CDKAL1: variants seen among roughly 807,000 people sequenced by gnomAD.
CDKAL1 encodes the protein CDKAL1 threonylcarbamoyladenosine tRNA methylthiotransferase.
Under a neutral mutation model 68.2 loss-of-function variants are expected in CDKAL1, and 32 were observed. The observed-to-expected ratio is 0.47, with a 90% CI of 0.35 to 0.63. The LOEUF is 0.63. Ranked by LOEUF, CDKAL1 falls within the 30% of genes least tolerant of loss-of-function variation. CDKAL1 has a pLI of 0.00. For synonymous variants in CDKAL1, 234 were observed against 244.3 expected, an observed-to-expected ratio of 0.96 and a Z score of 0.39; for missense variants, 606 against 696.7, an observed-to-expected ratio of 0.87 and a Z score of 1.47.
Position 21,231,159 on chromosome 6 carries a change from C to CT in CDKAL1, c.*122dup. On this transcript the variant is annotated 3_prime_UTR_variant, in exon 16 of 16. Coordinates refer to ENST00000274695, the MANE Select transcript of CDKAL1 (RefSeq NM_017774.3). ...TAATTTGTACTGGTCATGCTGCCTC[C>CT]TTCTCAGCCACTCTTCTTAATGAGG... 1 of 686,052 alleles carries CT rather than the reference C, an allele frequency of 1.5e-6. No individual in the cohort carries two copies. Among genetic ancestry groups the CT allele is most frequent in the South Asian group, 3.0e-5 (1 of 33,274 alleles). The allele number at this position is 686,052 out of a possible 1,614,324, so 42.5% of individuals were successfully genotyped here.
At chr6:20,966,206 A>G (rs1401375560) in intron 10 of CDKAL1, among the ~76,000 whole-genome samples, 2 of 152,222 alleles carry the variant, frequency 1.3e-5, no homozygotes, top group Non-Finnish European at 2.9e-5. Flanking sequence ...TTTCTAAGAT[A>G]CTAAATTGTT....
chr6:21,168,386 A>G (rs1331289176), intron 13 of CDKAL1, among the ~76,000 whole-genome samples: 1 of 152,236 alleles, frequency 6.6e-6, no homozygotes, highest in Admixed American at 6.5e-5. Context: ...CAGCCTAGAA[A>G]GACAACTCAT....
intron 2 of CDKAL1, among the ~76,000 whole-genome samples, chr6:20,541,942 G>A (rs1364518845): frequency 6.6e-6 from 1 of 152,242 alleles, no homozygotes; most frequent in Non-Finnish European, 1.5e-5. Flanking sequence ...TTACTGGCGT[G>A]AGCCACCGTT....
At chr6:20,567,854 C>T (rs1764521794) in intron 4 of CDKAL1, among the ~76,000 whole-genome samples, 1 of 152,054 alleles carries the variant, frequency 6.6e-6, no homozygotes, top group Non-Finnish European at 1.5e-5. Flanking sequence ...GCTGGGACTA[C>T]AGGTGTGCAC....
At chr6:21,009,056 A>G (rs886359212) in intron 11 of CDKAL1, among the ~76,000 whole-genome samples, 5 of 152,206 alleles carry the variant, frequency 3.3e-5, no homozygotes, top group Non-Finnish European at 7.3e-5. Flanking sequence ...ACATGGTACT[A>G]AGTGGTTTAC....
chr6:20,781,897 A>G (rs757381815), intron 8 of CDKAL1, among the ~76,000 whole-genome samples: 1 of 152,204 alleles, frequency 6.6e-6, no homozygotes, highest in Non-Finnish European at 1.5e-5. Flanking sequence ...TGATGAGATG[A>G]AGGGCTTCTG....
At chr6:20,621,894 G>A (rs1219924610) in intron 4 of CDKAL1, among the ~76,000 whole-genome samples, 1 of 151,804 alleles carries the variant, frequency 6.6e-6, no homozygotes. Flanking sequence ...TTATTGAAGA[G>A]TAGTGTTAGA....
chr6:20,552,091 C>A (rs1208323144), intron 4 of CDKAL1, among the ~76,000 whole-genome samples: 1 of 150,744 alleles, frequency 6.6e-6, no homozygotes, highest in Non-Finnish European at 1.5e-5. Flanking sequence ...GTAATCCCAG[C>A]ACTTTGGAGG....
intron 13 of CDKAL1, among the ~76,000 whole-genome samples, chr6:21,147,533 G>A (rs1169942222): frequency 2.0e-5 from 3 of 152,184 alleles, no homozygotes; most frequent in Non-Finnish European, 4.4e-5. Context: ...ATTCACAAGA[G>A]CCTTGATAGT....
chr6:20,799,049 T>TTTG (rs1168764015), intron 8 of CDKAL1, among the ~76,000 whole-genome samples: 2 of 112,368 alleles, frequency 1.8e-5, no homozygotes, highest in East Asian at 2.4e-4. Context: ...AGTTTTTTTT[T>TTTG]TTTTTTTTTT....
intron 9 of CDKAL1, among the ~76,000 whole-genome samples, chr6:20,914,540 G>A (rs1362715650): frequency 6.6e-6 from 1 of 151,716 alleles, no homozygotes; most frequent in Non-Finnish European, 1.5e-5. Flanking sequence ...TGGATATATT[G>A]TTTATTGCTA....
intron 13 of CDKAL1, among the ~76,000 whole-genome samples, chr6:21,156,610 A>G (rs1776658087): frequency 6.6e-6 from 1 of 151,926 alleles, no homozygotes; most frequent in Non-Finnish European, 1.5e-5. Context: ...TTCCAGTGCC[A>G]TTTTGTGGAG....
intron 5 of CDKAL1, among the ~76,000 whole-genome samples, chr6:20,650,729 T>A (rs190980411): frequency 5.6e-4 from 86 of 152,306 alleles, no homozygotes; most frequent in Non-Finnish European, 7.9e-4. Context: ...TTAATTTTTG[T>A]ATAAGGTATA....
intron 13 of CDKAL1, among the ~76,000 whole-genome samples, chr6:21,126,303 G>A (rs565596670): frequency 6.6e-6 from 1 of 152,276 alleles, no homozygotes; most frequent in East Asian, 1.9e-4. Context: ...ATGGAGCGAT[G>A]CCCCCTCCAT....
chr6:20,975,583 G>A (rs1181486303), intron 10 of CDKAL1, among the ~76,000 whole-genome samples: 1 of 151,972 alleles, frequency 6.6e-6, no homozygotes, highest in Non-Finnish European at 1.5e-5. Flanking sequence ...TGAATATAAA[G>A]TGATATTTAA....
chr6:20,996,373 C>T (rs1767106703), intron 10 of CDKAL1, among the ~76,000 whole-genome samples: 1 of 152,222 alleles, frequency 6.6e-6, no homozygotes, highest in South Asian at 2.1e-4. Flanking sequence ...GACATACCTT[C>T]CCCACTAAGG....
intron 11 of CDKAL1, among the ~76,000 whole-genome samples, chr6:21,006,753 A>G (rs1385497287): frequency 6.6e-6 from 1 of 152,230 alleles, no homozygotes; most frequent in Non-Finnish European, 1.5e-5. Context: ...CCCAAATTCG[A>G]TTCACTGGTT....
chr6:21,062,745 G>A (rs375757968), intron 11 of CDKAL1, among the ~76,000 whole-genome samples: 5 of 152,294 alleles, frequency 3.3e-5, no homozygotes, highest in African/African-American at 4.8e-5. Flanking sequence ...GTTAAGTAGT[G>A]TGTGAAGAAA....
intron 9 of CDKAL1, among the ~76,000 whole-genome samples, chr6:20,928,158 C>T (rs1251658392): frequency 6.6e-6 from 1 of 152,104 alleles, no homozygotes; most frequent in African/African-American, 2.4e-5. Flanking sequence ...CCATCCTCAG[C>T]TGATGGAGTG....
Sources: gnomAD v4.1 joint callset for allele counts (sites outside exome capture counted in the v4.1 genomes callset) on GRCh38, gnomAD v4.1.1 for gene constraint, MANE v1.5 for transcripts, NCBI Gene and HGNC (gene_info 2026-07-23, HGNC 2026-07-21) for gene names.